Variants in OSBPL1A observed in about 807,000 individuals in gnomAD.
The protein encoded by OSBPL1A is oxysterol binding protein like 1A, also known as oxysterol-binding protein-related protein 1.
OSBPL1A carries 80 observed loss-of-function variants against 137.1 expected under a neutral mutation model. The observed-to-expected ratio is 0.58, with a 90% CI of 0.49 to 0.70. The LOEUF is 0.70. Ranked by LOEUF, OSBPL1A falls within the 30% of genes least tolerant of loss-of-function variation. The pLI is 0.00. For synonymous variants in OSBPL1A, 365 were observed against 389.7 expected (o/e 0.94, Z 0.75); for missense variants, 970 against 1,129.4 (o/e 0.86, Z 2.02).
At chr18:24,248,091 C>T (rs1437793704) in intron 15 of OSBPL1A, among the ~76,000 whole-genome samples, 3 of 152,188 alleles carry the variant, frequency 2.0e-5, no homozygotes, top group African/African-American at 7.2e-5. Context: ...TCAGACAGTC[C>T]ATCCTTAGTT....
chr18:24,286,156 C>CA (rs1319071775), intron 14 of OSBPL1A, among the ~76,000 whole-genome samples: 3 of 151,472 alleles, frequency 2.0e-5, no homozygotes, highest in Non-Finnish European at 2.9e-5. Context: ...GACTCTGTCT[C>CA]AAAAAATAAA....
chr18:24,289,424 T>G (rs910974834), intron 14 of OSBPL1A, among the ~76,000 whole-genome samples: 1 of 143,532 alleles, frequency 7.0e-6, no homozygotes, highest in African/African-American at 2.6e-5. Context: ...TCCTGTTTTT[T>G]TTTTTTTTTT....
intron 15 of OSBPL1A, among the ~76,000 whole-genome samples, chr18:24,247,557 G>A (rs2088937399): frequency 6.6e-6 from 1 of 152,132 alleles, no homozygotes; most frequent in Non-Finnish European, 1.5e-5. Context: ...CTGCCTCCTG[G>A]GCTCAAGTGA....
At chr18:24,345,738 A>T (rs2091336615) in intron 4 of OSBPL1A, among the ~76,000 whole-genome samples, 1 of 152,004 alleles carries the variant, frequency 6.6e-6, no homozygotes. Context: ...AATTTTTTTT[A>T]AATCCAAGCA....
chr18:24,296,905 T>C (rs1222258630), intron 14 of OSBPL1A, among the ~76,000 whole-genome samples: 1 of 152,204 alleles, frequency 6.6e-6, no homozygotes, highest in Non-Finnish European at 1.5e-5. Context: ...AATTAGCTAG[T>C]ATTTTTTTGA....
rs2086551041 is a variant in OSBPL1A at position 24,179,815 on chromosome 18, T to C, written c.1833A>G (p.Val611=). ...ERMQCVAAFA[V]SAVASQWERT... The stretch of plus-strand genomic sequence containing the variant: ...GTTCCCACTGAGAAGCAACAGCAGA[T>C]ACAGCAAACGCAGCTACACACTGTG... Residue 611 remains valine, a synonymous_variant, in exon 20 of 28, where the codon GTA becomes GTG. Coordinates refer to ENST00000319481, the MANE Select transcript of OSBPL1A (RefSeq NM_080597.4). 2 of 1,614,152 alleles carry C rather than the reference T, an allele frequency of 1.2e-6. No individual in the cohort carries two copies. The highest frequency in any genetic ancestry group is 2.7e-5 in the African/African-American group (2 of 75,036).
intron 14 of OSBPL1A, among the ~76,000 whole-genome samples, chr18:24,285,923 G>A (rs762817459): frequency 1.3e-5 from 2 of 152,154 alleles, no homozygotes; most frequent in African/African-American, 2.4e-5. Flanking sequence ...TTGGGAGGCC[G>A]AGGCGTGCAG....
intron 15 of OSBPL1A, among the ~76,000 whole-genome samples, chr18:24,244,801 T>C (rs984159018): frequency 6.6e-6 from 1 of 152,232 alleles, no homozygotes; most frequent in Non-Finnish European, 1.5e-5. Flanking sequence ...CACATTCACC[T>C]ACGCTCTCAT....
intron 16 of OSBPL1A, among the ~76,000 whole-genome samples, chr18:24,231,441 C>A (rs2088276052): frequency 6.6e-6 from 1 of 152,044 alleles, no homozygotes. Flanking sequence ...TACAGGCGCC[C>A]ACCACCACGC....
intron 1 of OSBPL1A, among the ~76,000 whole-genome samples, chr18:24,395,795 T>G: frequency 6.6e-6 from 1 of 151,714 alleles, no homozygotes; most frequent in East Asian, 2.0e-4. Flanking sequence ...CTAATTTTTG[T>G]ATTTTTAGTA....
chr18:24,346,529 G>A (rs752417432), intron 4 of OSBPL1A, among the ~76,000 whole-genome samples: 1 of 152,028 alleles, frequency 6.6e-6, no homozygotes, highest in Non-Finnish European at 1.5e-5. Flanking sequence ...CTATGGATTT[G>A]CCTACTCTGG....
chr18:24,190,202 C>G, intron 18 of OSBPL1A, among the ~76,000 whole-genome samples: 1 of 152,062 alleles, frequency 6.6e-6, no homozygotes, highest in East Asian at 1.9e-4. Flanking sequence ...TGCCCTGGAT[C>G]ACTCGGCATT....
At chr18:24,283,309 T>C (rs2090002165) in intron 14 of OSBPL1A, among the ~76,000 whole-genome samples, 1 of 119,620 alleles carries the variant, frequency 8.4e-6, no homozygotes, top group South Asian at 2.6e-4. Context: ...TATATGTATA[T>C]ATATACACAC....
intron 14 of OSBPL1A, among the ~76,000 whole-genome samples, chr18:24,291,644 AAAG>A (rs1276341213): frequency 6.6e-6 from 1 of 152,176 alleles, no homozygotes; most frequent in East Asian, 1.9e-4. Context: ...TCCTTGAATT[AAAG>A]AACAGAGTTT....
At chr18:24,196,322 C>G in intron 17 of OSBPL1A, 122 bp from the exon 18 acceptor site, 1 of 686,734 alleles carries the variant, frequency 1.5e-6, no homozygotes. Context: ...TGTGTGTCAT[C>G]ACAGACAGGG....
intron 13 of OSBPL1A, among the ~76,000 whole-genome samples, chr18:24,308,300 G>A (rs2090545267): frequency 6.6e-6 from 1 of 150,828 alleles, no homozygotes; most frequent in Non-Finnish European, 1.5e-5. Context: ...ATTTTTAGTA[G>A]AGACAGGGTT....
intron 13 of OSBPL1A, among the ~76,000 whole-genome samples, 170 bp from the exon 14 acceptor site, chr18:24,303,888 A>T (rs373825385): frequency 6.6e-6 from 1 of 152,234 alleles, no homozygotes; most frequent in Admixed American, 6.5e-5. Context: ...TAAACTGAAT[A>T]TAACATTTAA....
intron 6 of OSBPL1A, among the ~76,000 whole-genome samples, chr18:24,333,344 C>T (rs2146143589): frequency 6.6e-6 from 1 of 152,298 alleles, no homozygotes; most frequent in South Asian, 2.1e-4. Context: ...GTGCCAGCAC[C>T]ATCTCACACA....
At chr18:24,229,028 C>T (rs1014554354) in intron 16 of OSBPL1A, among the ~76,000 whole-genome samples, 3 of 152,038 alleles carry the variant, frequency 2.0e-5, no homozygotes, top group African/African-American at 7.3e-5. Context: ...TGATGAAACC[C>T]TATCTCTACC....
Sources: allele counts gnomAD v4.1 joint callset (sites outside exome capture counted in the v4.1 genomes callset), GRCh38; gene constraint gnomAD v4.1.1; transcripts MANE v1.5; gene names NCBI Gene and HGNC (gene_info 2026-07-23, HGNC 2026-07-21).